Variants in DAPK1 observed in about 807,000 individuals in gnomAD.
DAPK1 encodes the protein death-associated protein kinase 1.
In DAPK1, 56 loss-of-function variants were observed where a neutral mutation model predicts 144.9. The observed-to-expected ratio is 0.39, with a 90% CI of 0.31 to 0.48. DAPK1 has a LOEUF of 0.48. Ranked by LOEUF, DAPK1 falls within the 20% of genes least tolerant of loss-of-function variation. DAPK1 has a pLI of 0.95. For synonymous variants in DAPK1, 690 were observed against 749.0 expected (o/e 0.92, Z 1.29); for missense variants, 1,454 against 1,875.4 (o/e 0.78, Z 4.15).
At chr9:87,511,032 C>T (rs765427014) in intron 2 of DAPK1, among the ~76,000 whole-genome samples, 2 of 152,070 alleles carry the variant, frequency 1.3e-5, no homozygotes, top group African/African-American at 2.4e-5. Context: ...ATCTGTGTTC[C>T]CGGGTCCTAC....
chr9:87,676,067 A>G (rs1222454598), intron 19 of DAPK1, among the ~76,000 whole-genome samples: 1 of 152,134 alleles, frequency 6.6e-6, no homozygotes, highest in Non-Finnish European at 1.5e-5. Context: ...GACCTAGGGG[A>G]CACACACTGG....
chr9:87,660,784 C>T (rs1207715981), intron 18 of DAPK1, among the ~76,000 whole-genome samples: 3 of 152,190 alleles, frequency 2.0e-5, no homozygotes, highest in Non-Finnish European at 2.9e-5. Flanking sequence ...GCCTCCATTT[C>T]CATCCATGTT....
At chr9:87,546,323 G>A (rs911644622) in intron 2 of DAPK1, among the ~76,000 whole-genome samples, 19 of 152,148 alleles carry the variant, frequency 1.2e-4, no homozygotes, top group African/African-American at 4.6e-4. Context: ...AGCCTCTACT[G>A]TGGTTTCTGC....
chr9:87,670,219 A>G (rs1396536899), intron 19 of DAPK1, among the ~76,000 whole-genome samples: 2 of 152,042 alleles, frequency 1.3e-5, no homozygotes, highest in Non-Finnish European at 2.9e-5. Flanking sequence ...CGTGGTTACC[A>G]TTCAAGAATG....
intron 2 of DAPK1, among the ~76,000 whole-genome samples, chr9:87,518,547 GA>G (rs2118207992): frequency 6.6e-6 from 1 of 152,206 alleles, no homozygotes; most frequent in East Asian, 1.9e-4. Context: ...AATGATGCTT[GA>G]AAATTGGAGC....
chr9:87,611,396 C>T (rs1337163379), intron 3 of DAPK1, among the ~76,000 whole-genome samples: 3 of 152,170 alleles, frequency 2.0e-5, no homozygotes, highest in East Asian at 3.9e-4. Flanking sequence ...AGCGCTTCTC[C>T]TGCGTCAGCC....
intron 3 of DAPK1, among the ~76,000 whole-genome samples, chr9:87,605,585 C>T (rs1828688916): frequency 6.6e-6 from 1 of 151,790 alleles, no homozygotes; most frequent in South Asian, 2.1e-4. Flanking sequence ...ATCTCTTCCC[C>T]CATCTCTTCC....
intron 9 of DAPK1, among the ~76,000 whole-genome samples, chr9:87,641,668 A>G (rs1830099366): frequency 6.6e-6 from 1 of 152,210 alleles, no homozygotes; most frequent in Non-Finnish European, 1.5e-5. Context: ...CAAATGCCTC[A>G]TAACATAGCC....
intron 19 of DAPK1, among the ~76,000 whole-genome samples, chr9:87,673,664 G>C (rs774162063): frequency 6.6e-6 from 1 of 152,086 alleles, no homozygotes; most frequent in Admixed American, 6.6e-5. Context: ...AAGTGAACTC[G>C]GGCAGTAGTG....
At chr9:87,547,904 G>C (rs1826320091) in intron 2 of DAPK1, among the ~76,000 whole-genome samples, 1 of 152,160 alleles carries the variant, frequency 6.6e-6, no homozygotes, top group African/African-American at 2.4e-5. Context: ...GAAACATCTA[G>C]AATAATGTTT....
chr9:87,525,114 T>C (rs1175567809), intron 2 of DAPK1, among the ~76,000 whole-genome samples: 1 of 152,196 alleles, frequency 6.6e-6, no homozygotes, highest in East Asian at 1.9e-4. Flanking sequence ...TGGGGTCCCT[T>C]GTACCCCTCA....
At chr9:87,555,359 C>CT (rs1826670136) in intron 2 of DAPK1, among the ~76,000 whole-genome samples, 1 of 152,124 alleles carries the variant, frequency 6.6e-6, no homozygotes, top group African/African-American at 2.4e-5. Context: ...CTCTCTTTTC[C>CT]TTCTCTGTCA....
chr9:87,542,825 T>C (rs866359670), intron 2 of DAPK1, among the ~76,000 whole-genome samples: 1 of 152,294 alleles, frequency 6.6e-6, no homozygotes, highest in Non-Finnish European at 1.5e-5. Flanking sequence ...AACCCCTCAC[T>C]GGGCCTTCAG....
chr9:87,612,024 GTCT>G (rs1215171880), intron 3 of DAPK1, among the ~76,000 whole-genome samples: 2 of 152,196 alleles, frequency 1.3e-5, no homozygotes, highest in African/African-American at 2.4e-5. Flanking sequence ...TGTGATGTGA[GTCT>G]TCTTACTGTC....
At chr9:87,537,222 G>A (rs549069624) in intron 2 of DAPK1, among the ~76,000 whole-genome samples, 111 of 152,256 alleles carry the variant, frequency 7.3e-4, no homozygotes, top group Non-Finnish European at 8.8e-5. Context: ...TCCTGCCCTC[G>A]TTATCCTCCT....
chr9:87,549,441 G>T (rs886413195), intron 2 of DAPK1, among the ~76,000 whole-genome samples: 1 of 152,116 alleles, frequency 6.6e-6, no homozygotes, highest in Non-Finnish European at 1.5e-5. Flanking sequence ...TTTGTATGGG[G>T]GGGTTATATA....
At chr9:87,645,773 G>A (rs1311920541) in intron 11 of DAPK1, 122 bp from the exon 12 acceptor site, 2 of 1,298,098 alleles carry the variant, frequency 1.5e-6, no homozygotes, top group African/African-American at 1.5e-5. Flanking sequence ...GATTTGGGGA[G>A]TAAATGGCTT....
In DAPK1 at chr9:87,499,014, G is replaced by C; in HGVS notation, c.-64G>C. On this transcript the variant is annotated 5_prime_UTR_variant, in exon 2 of 26. Coordinates refer to ENST00000408954, the MANE Select transcript of DAPK1 (RefSeq NM_004938.4). ...AGGGGGCTACGGAGGCGCAGGAGCGGTGGTGATGGTCTGGGAAGCGGAGCT... is the reference window on the plus strand; with the variant it reads ...AGGGGGCTACGGAGGCGCAGGAGCGCTGGTGATGGTCTGGGAAGCGGAGCT... 7.3e-7 allele frequency: 1 copy of C among 1,369,286 alleles called. No individual in the cohort carries two copies. The allele number at this position is 1,369,286 out of a possible 1,614,324, so 84.8% of individuals were successfully genotyped here.
intron 2 of DAPK1, among the ~76,000 whole-genome samples, chr9:87,513,500 T>G (rs1028781734): frequency 6.6e-6 from 1 of 152,198 alleles, no homozygotes; most frequent in Non-Finnish European, 1.5e-5. Context: ...CTTGCCTTCC[T>G]TGGAGAAAAC....
Sources: allele counts gnomAD v4.1 joint callset (sites outside exome capture counted in the v4.1 genomes callset), GRCh38; gene constraint gnomAD v4.1.1; transcripts MANE v1.5; gene names NCBI Gene and HGNC (gene_info 2026-07-23, HGNC 2026-07-21).